The following TRPM3 variants were observed in gnomAD, a reference collection of about 807,000 sequenced individuals.
The protein encoded by TRPM3 is long transient receptor potential channel 3.
A neutral mutation model predicts 181.2 loss-of-function variants in TRPM3; 77 were observed. That is an observed-to-expected ratio of 0.42 (90% CI 0.35 to 0.51). The LOEUF (loss-of-function observed/expected upper bound fraction) is 0.51, where lower values mean the gene tolerates loss of function less well. Among genes scored for constraint, TRPM3 ranks in the 20% least tolerant of loss-of-function variants. TRPM3 has a pLI of 0.01. For synonymous variants in TRPM3, 745 were observed against 796.4 expected (o/e 0.94, Z 1.09); for missense variants, 1,759 against 2,196.7 (o/e 0.80, Z 3.98).
At chr9:70,961,130 G>T (rs964839780) in intron 1 of TRPM3, among the ~76,000 whole-genome samples, 10 of 152,160 alleles carry the variant, frequency 6.6e-5, no homozygotes, top group Non-Finnish European at 1.3e-4. Context: ...ACAGAGGAAG[G>T]CAGGCGAGTA....
intron 1 of TRPM3, among the ~76,000 whole-genome samples, chr9:71,176,714 C>T (rs1565306820): frequency 6.6e-6 from 1 of 152,100 alleles, no homozygotes; most frequent in African/African-American, 2.4e-5. Flanking sequence ...GTCCTGCGAG[C>T]TCCATTCATG....
chr9:70,886,497 G>A (rs570010585), intron 1 of TRPM3, among the ~76,000 whole-genome samples: 2 of 152,122 alleles, frequency 1.3e-5, no homozygotes, highest in Middle Eastern at 3.4e-3. Flanking sequence ...TTAACCCCGG[G>A]TCTACAGTGC....
chr9:71,180,914 C>G (rs1349168995), intron 1 of TRPM3, among the ~76,000 whole-genome samples: 1 of 152,064 alleles, frequency 6.6e-6, no homozygotes, highest in African/African-American at 2.4e-5. Flanking sequence ...AATACAGGTA[C>G]TATTTTAAGT....
At chr9:71,183,717 G>T (rs1411182551) in intron 1 of TRPM3, among the ~76,000 whole-genome samples, 1 of 151,940 alleles carries the variant, frequency 6.6e-6, no homozygotes, top group Non-Finnish European at 1.5e-5. Flanking sequence ...TAATAAAACT[G>T]CTCTCTGAAC....
chr9:71,309,135 A>G (rs1290274319), intron 1 of TRPM3, among the ~76,000 whole-genome samples: 2 of 152,170 alleles, frequency 1.3e-5, no homozygotes, highest in Non-Finnish European at 1.5e-5. Flanking sequence ...TTTAATGTGC[A>G]TCGAGTAGTG....
intron 1 of TRPM3, among the ~76,000 whole-genome samples, chr9:71,245,443 C>CAAAA (rs61043388): frequency 6.7e-5 from 9 of 133,670 alleles, no homozygotes; most frequent in African/African-American, 2.3e-4. Flanking sequence ...GACTCCATTT[C>CAAAA]AAAAAAAAAA....
intron 1 of TRPM3, among the ~76,000 whole-genome samples, chr9:71,263,944 T>C (rs1187482501): frequency 6.6e-6 from 1 of 152,146 alleles, no homozygotes; most frequent in Non-Finnish European, 1.5e-5. Context: ...CATGTCCAGC[T>C]AATTTTTATT....
At chr9:71,137,015 C>T (rs2074807759) in intron 1 of TRPM3, among the ~76,000 whole-genome samples, 1 of 152,154 alleles carries the variant, frequency 6.6e-6, no homozygotes. Flanking sequence ...ATGACTCTAG[C>T]ATCTGTGTAG....
intron 6 of TRPM3, among the ~76,000 whole-genome samples, chr9:70,802,481 AGTTGTAGTTTG>A (rs1229324959): frequency 6.6e-6 from 1 of 152,192 alleles, no homozygotes; most frequent in Non-Finnish European, 1.5e-5. Context: ...TTGGCCCACT[AGTTGTAGTTTG>A]TTCACCTCTG....
intron 1 of TRPM3, among the ~76,000 whole-genome samples, chr9:71,077,019 G>A (rs901023128): frequency 2.0e-5 from 3 of 152,114 alleles, no homozygotes; most frequent in Admixed American, 6.5e-5. Flanking sequence ...CCTAAACAAG[G>A]GTTTCTTACG....
chr9:70,617,471 G>T (rs2062968377), intron 17 of TRPM3, among the ~76,000 whole-genome samples: 1 of 152,176 alleles, frequency 6.6e-6, no homozygotes, highest in Admixed American at 6.5e-5. Context: ...CAAAGTTGCA[G>T]ATATGTAGGA....
chr9:71,063,879 A>G (rs1019408271), intron 1 of TRPM3, among the ~76,000 whole-genome samples: 6 of 152,074 alleles, frequency 3.9e-5, no homozygotes, highest in Non-Finnish European at 8.8e-5. Context: ...GATGTGGAAG[A>G]GACTGAAAGT....
intron 1 of TRPM3, among the ~76,000 whole-genome samples, chr9:71,144,418 C>T (rs921296660): frequency 2.6e-5 from 4 of 152,082 alleles, no homozygotes; most frequent in Admixed American, 2.6e-4. Context: ...TTTCTCTTTC[C>T]TTCTTAAATA....
chr9:70,896,135 A>T (rs941077918), intron 1 of TRPM3, among the ~76,000 whole-genome samples: 1 of 152,208 alleles, frequency 6.6e-6, no homozygotes, highest in African/African-American at 2.4e-5. Context: ...GAAAAAACAT[A>T]GAAACCAGAA....
chr9:71,024,258 T>C (rs1195446606), intron 1 of TRPM3, among the ~76,000 whole-genome samples: 2 of 152,194 alleles, frequency 1.3e-5, no homozygotes, highest in Admixed American at 6.5e-5. Context: ...TACATGTGTA[T>C]GTATATACAC....
intron 1 of TRPM3, among the ~76,000 whole-genome samples, chr9:71,402,307 A>C (rs570259563): frequency 6.6e-6 from 1 of 152,330 alleles, no homozygotes; most frequent in South Asian, 2.1e-4. Flanking sequence ...AGTACACAAG[A>C]TAATCAGAAA....
chr9:70,772,931 C>T (rs1472290760), intron 7 of TRPM3, among the ~76,000 whole-genome samples: 1 of 151,370 alleles, frequency 6.6e-6, no homozygotes, highest in Non-Finnish European at 1.5e-5. Flanking sequence ...ATTGCCATAG[C>T]CCAGGCAAGA....
At chr9:70,926,002 A>C (rs1026577609) in intron 1 of TRPM3, among the ~76,000 whole-genome samples, 37 of 151,476 alleles carry the variant, frequency 2.4e-4, no homozygotes, top group East Asian at 1.7e-3. Flanking sequence ...GAAAACAAAA[A>C]AAAAAAAAAC....
intron 1 of TRPM3, among the ~76,000 whole-genome samples, chr9:71,053,986 T>C (rs2060365110): frequency 6.6e-6 from 1 of 152,132 alleles, no homozygotes; most frequent in Non-Finnish European, 1.5e-5. Context: ...AGGCCTTACA[T>C]GGTATGGTGA....
Sources: allele counts gnomAD v4.1 joint callset (sites outside exome capture counted in the v4.1 genomes callset), GRCh38; gene constraint gnomAD v4.1.1; transcripts MANE v1.5; gene names NCBI Gene and HGNC (gene_info 2026-07-23, HGNC 2026-07-21).